THADA: variants seen among roughly 807,000 people sequenced by gnomAD.
THADA encodes the protein THADA armadillo repeat containing.
A neutral mutation model predicts 219.8 loss-of-function variants in THADA; 213 were observed. The ratio of observed to expected loss-of-function variants is 0.97; its 90% confidence interval spans 0.87 to 1.09. The LOEUF is 1.09. Ranked by LOEUF, THADA falls within the 50% of genes least tolerant of loss-of-function variation. The probability of loss-of-function intolerance (pLI) is 0.00; values close to 1 mark genes in which losing one functional copy is unlikely to be tolerated. For synonymous variants in THADA, 1,018 were observed against 828.9 expected, an observed-to-expected ratio of 1.23 and a Z score of -3.92; for missense variants, 2,956 against 2,311.3, an observed-to-expected ratio of 1.28 and a Z score of -5.72.
chr2:43,490,147 T>C (rs1233648062), intron 25 of THADA, among the ~76,000 whole-genome samples: 5 of 152,182 alleles, frequency 3.3e-5, no homozygotes, highest in Non-Finnish European at 5.9e-5. Flanking sequence ...CTTAATTTCA[T>C]TTAGATTTTT....
intron 36 of THADA, among the ~76,000 whole-genome samples, chr2:43,250,147 A>G (rs1669665995): frequency 6.6e-6 from 1 of 152,248 alleles, no homozygotes; most frequent in African/African-American, 2.4e-5. Flanking sequence ...TGGAAACAAC[A>G]CAAATGTCCA....
intron 36 of THADA, among the ~76,000 whole-genome samples, chr2:43,252,411 C>T (rs116354226): frequency 0.013 from 1,980 of 152,232 alleles, 30 homozygotes; most frequent in African/African-American, 0.042. Context: ...ATCATATGTA[C>T]TTCATATATA....
chr2:43,436,267 C>T (rs1680088453), intron 26 of THADA, among the ~76,000 whole-genome samples: 1 of 152,132 alleles, frequency 6.6e-6, no homozygotes, highest in African/African-American at 2.4e-5. Flanking sequence ...GAGAGAATAA[C>T]CTTGACACCT....
At chr2:43,451,177 A>C (rs1682272383) in intron 26 of THADA, among the ~76,000 whole-genome samples, 1 of 152,214 alleles carries the variant, frequency 6.6e-6, no homozygotes, top group South Asian at 2.1e-4. Context: ...TTCTGGTTGA[A>C]GCAGGATTGA....
At chr2:43,489,930 A>G (rs1266052817) in intron 25 of THADA, among the ~76,000 whole-genome samples, 1 of 150,794 alleles carries the variant, frequency 6.6e-6, no homozygotes, top group South Asian at 2.1e-4. Context: ...TGCTGAATCT[A>G]TAGATTAATT....
chr2:43,556,775 A>G (rs1271297778), intron 16 of THADA, among the ~76,000 whole-genome samples: 5 of 152,032 alleles, frequency 3.3e-5, no homozygotes, highest in Non-Finnish European at 7.4e-5. Context: ...ACAACAACAA[A>G]AAACACAGGC....
rs568585118 is a variant in THADA, at chr2:43,379,587, T to A, written c.4227+18384A>T. Among the ~76,000 whole-genome samples, 4 of 152,348 alleles carry A rather than the reference T, an allele frequency of 2.6e-5. No homozygotes were observed. The East Asian group carries it at 7.7e-4, about 29-fold the overall frequency. ...GACTGAGAGCAACAGGAACTCTCAT[T>A]CACTGCTGGTGGGAATGCAAAATGG... On this transcript the variant is annotated intron_variant, in intron 29 of 37. Coordinates refer to ENST00000405975, the MANE Select transcript of THADA (RefSeq NM_022065.5).
chr2:43,590,968 C>T lies in THADA; in HGVS notation c.172-14G>A, dbSNP rs1414048706. ...CAGAGGCACAATCTATAATACAAAA[C>T]ATTGAAGTAATTTTTATAATATCAA... On this transcript the variant is annotated splice_polypyrimidine_tract_variant and intron_variant, in intron 3 of 37. Transcript: ENST00000405975. 2.5e-6 allele frequency: 4 copies of T among 1,602,494 alleles called. No individual in the cohort carries two copies. Among genetic ancestry groups the T allele is most frequent in the East Asian group, 4.5e-5 (2 of 44,754 alleles).
chr2:43,375,474 T>C (rs1225903497), intron 29 of THADA, among the ~76,000 whole-genome samples: 1 of 152,234 alleles, frequency 6.6e-6, no homozygotes, highest in Non-Finnish European at 1.5e-5. Context: ...TAAGTATACT[T>C]GGGGTCCCTG....
Position 43,538,182 on chromosome 2 carries a change from G to C in THADA, c.3264+2977C>G, listed in dbSNP as rs541585315. On this transcript the variant is annotated intron_variant, in intron 21 of 37. Transcript: ENST00000405975. ...ATCAGTAGGCACTGGGTATCAGATA[G>C]CCCATGAAAAGAGAACCAACAAAAT... Among the ~76,000 whole-genome samples the C allele has an allele frequency of 8.5e-5, 13 of 152,266 alleles. 1 individual carries two copies. In the East Asian group the frequency reaches 2.5e-3, roughly 29 times the overall value.
At chr2:43,457,909 C>A (rs189122451) in intron 26 of THADA, among the ~76,000 whole-genome samples, 674 of 151,988 alleles carry the variant, frequency 4.4e-3, no homozygotes, top group Admixed American at 8.3e-3. Context: ...TGCACATACA[C>A]TGAGGATGAG....
chr2:43,579,788 A>C (rs73925550), intron 8 of THADA, among the ~76,000 whole-genome samples: 53 of 152,268 alleles, frequency 3.5e-4, no homozygotes, highest in African/African-American at 1.3e-3. Flanking sequence ...ACGAGGCAAC[A>C]AACGTGGGTG....
At chr2:43,417,160 T>G (rs1247541084) in intron 28 of THADA, among the ~76,000 whole-genome samples, 1 of 151,520 alleles carries the variant, frequency 6.6e-6, no homozygotes, top group Non-Finnish European at 1.5e-5. Flanking sequence ...ATGTAAACAT[T>G]TGCTATTATT....
intron 30 of THADA, among the ~76,000 whole-genome samples, chr2:43,326,527 A>C (rs1679356108): frequency 6.6e-6 from 1 of 152,214 alleles, no homozygotes; most frequent in Non-Finnish European, 1.5e-5. Flanking sequence ...TCCATCAAAG[A>C]AGTACCTCCT....
intron 19 of THADA, among the ~76,000 whole-genome samples, chr2:43,550,673 G>A (rs919690636): frequency 2.6e-5 from 4 of 152,116 alleles, no homozygotes; most frequent in Non-Finnish European, 5.9e-5. Context: ...TAAAGATAAT[G>A]TTAGCATCCT....
Position 43,489,874 on chromosome 2 carries a change from CAAAAA to C in THADA, c.3745-4554_3745-4550del, listed in dbSNP as rs201735523. On this transcript the variant is annotated intron_variant, in intron 25 of 37. Coordinates refer to ENST00000405975, the MANE Select transcript of THADA (RefSeq NM_022065.5). ...ATTTCCATATGTATTTTAAGATCTGCAAAAAAAAAAAAAAAAAAAAGCTAGAAGGG... is the reference window on the plus strand; with the variant it reads ...ATTTCCATATGTATTTTAAGATCTGCAAAAAAAAAAAAAAAGCTAGAAGGG... Among the ~76,000 whole-genome samples the C allele has an allele frequency of 1.1e-4, 6 of 56,070 alleles. No individual in the cohort carries two copies. In the South Asian group the frequency reaches 2.2e-3, roughly 20 times the overall value. The allele number at this position is 56,070 out of a possible 152,430, so 36.8% of individuals were successfully genotyped here.
chr2:43,377,022 C>T (rs1487229713), intron 29 of THADA, among the ~76,000 whole-genome samples: 1 of 152,170 alleles, frequency 6.6e-6, no homozygotes, highest in Non-Finnish European at 1.5e-5. Context: ...AGGCCACCCA[C>T]AGGTTTAAAA....
chr2:43,516,181 G>A (rs1226423032), intron 22 of THADA, among the ~76,000 whole-genome samples: 1 of 151,946 alleles, frequency 6.6e-6, no homozygotes, highest in African/African-American at 2.4e-5. Flanking sequence ...GTAACTAATC[G>A]GTCTTTCTGT....
chr2:43,271,119 A>T (rs144480132), intron 36 of THADA, among the ~76,000 whole-genome samples: 10 of 152,308 alleles, frequency 6.6e-5, no homozygotes, highest in Admixed American at 1.3e-4. Flanking sequence ...TAAGCAACTG[A>T]CAAGTATCCA....
Sources: allele counts gnomAD v4.1 joint callset (sites outside exome capture counted in the v4.1 genomes callset), GRCh38; gene constraint gnomAD v4.1.1; transcripts MANE v1.5; gene names NCBI Gene and HGNC (gene_info 2026-07-23, HGNC 2026-07-21).